TNFRSF10B: variants seen among roughly 807,000 people sequenced by gnomAD.
The protein encoded by TNFRSF10B is TNF receptor superfamily member 10b.
In TNFRSF10B, 35 loss-of-function variants were observed where a neutral mutation model predicts 41.4. That is an observed-to-expected ratio of 0.85 (90% CI 0.65 to 1.12). The LOEUF (loss-of-function observed/expected upper bound fraction) is 1.12. Ranked by LOEUF, TNFRSF10B falls within the 50% of genes most tolerant of loss-of-function variation. The probability of loss-of-function intolerance (pLI) is 0.00; values close to 1 mark genes in which losing one functional copy is unlikely to be tolerated. For missense variants in TNFRSF10B, 584 were observed against 552.7 expected, an observed-to-expected ratio of 1.06 and a Z score of -0.57; for synonymous variants, 230 against 215.5, an observed-to-expected ratio of 1.07 and a Z score of -0.59.
chr8:23,065,937 T>G (rs921957071), intron 1 of TNFRSF10B, among the ~76,000 whole-genome samples: 2 of 152,120 alleles, frequency 1.3e-5, no homozygotes, highest in African/African-American at 4.8e-5. Flanking sequence ...CATCTAAAGC[T>G]TACAAATATA....
intron 1 of TNFRSF10B, among the ~76,000 whole-genome samples, chr8:23,049,300 T>C (rs1370439211): frequency 6.6e-6 from 1 of 152,146 alleles, no homozygotes; most frequent in Non-Finnish European, 1.5e-5. Context: ...GCCTAGGCCT[T>C]TCCTGGGCCT....
intron 7 of TNFRSF10B, among the ~76,000 whole-genome samples, chr8:23,025,848 G>C (rs1204706299): frequency 6.6e-6 from 1 of 152,142 alleles, no homozygotes; most frequent in African/African-American, 2.4e-5. Context: ...GGCCAAGGAG[G>C]GTGGATTGCC....
intron 2 of TNFRSF10B, among the ~76,000 whole-genome samples, chr8:23,038,082 C>T (rs1296120932): frequency 6.6e-6 from 1 of 152,178 alleles, no homozygotes; most frequent in South Asian, 2.1e-4. Flanking sequence ...ACCCTGCTGG[C>T]TGGATTGACT....
chr8:23,042,503 C>A (rs994020759), intron 2 of TNFRSF10B, among the ~76,000 whole-genome samples: 1 of 152,112 alleles, frequency 6.6e-6, no homozygotes, highest in Non-Finnish European at 1.5e-5. Flanking sequence ...AATGACCTTA[C>A]GGGACACCAC....
At chr8:23,023,091 G>A in intron 8 of TNFRSF10B, 107 bp from the exon 9 acceptor site, 1 of 1,419,338 alleles carries the variant, frequency 7.0e-7, no homozygotes, top group Non-Finnish European at 9.6e-7. Flanking sequence ...AGAGCCCCGT[G>A]TGCGGGCAAA....
intron 1 of TNFRSF10B, among the ~76,000 whole-genome samples, chr8:23,062,634 C>T (rs1250263704): frequency 2.0e-5 from 3 of 152,164 alleles, no homozygotes; most frequent in East Asian, 3.8e-4. Flanking sequence ...GTAAACTTAG[C>T]TCGTTGATTT....
chr8:23,024,090 A>C (rs994433060), intron 8 of TNFRSF10B, 98 bp downstream of exon 8: 2 of 1,472,976 alleles, frequency 1.4e-6, no homozygotes, highest in Admixed American at 1.7e-5. Context: ...TCCAGCATGG[A>C]ATACTCTGGA....
intron 4 of TNFRSF10B, 77 bp downstream of exon 4, chr8:23,029,533 G>A (rs1811815458): frequency 2.1e-6 from 3 of 1,418,752 alleles, no homozygotes; most frequent in Non-Finnish European, 2.9e-6. Flanking sequence ...GCTGTCAGGG[G>A]AGAGACAGGG....
chr8:23,054,751 A>C (rs1192965678), intron 1 of TNFRSF10B, among the ~76,000 whole-genome samples: 2 of 152,194 alleles, frequency 1.3e-5, no homozygotes, highest in African/African-American at 4.8e-5. Context: ...GAAGAGAGGA[A>C]TTCACCCAAC....
intron 1 of TNFRSF10B, among the ~76,000 whole-genome samples, chr8:23,054,756 C>T (rs992874437): frequency 2.6e-5 from 4 of 152,198 alleles, no homozygotes; most frequent in Non-Finnish European, 5.9e-5. Context: ...GAGGAATTCA[C>T]CCAACTCATA....
Position 23,028,586 on chromosome 8 carries a change from C to T in TNFRSF10B, c.493G>A (p.Val165Ile), listed in dbSNP as rs773655476. The change falls in exon 5 of 9, where the codon GTC becomes ATC. Residue 165 changes from valine (V) to isoleucine (I), a missense_variant. Transcript: ENST00000276431. Reference sequence around the variant, plus strand: ...CAGGGTGTACAATCACCGACCTTGACCATCCCTCTGGGACACCTGGGTACA... The same window carrying T: ...CAGGGTGTACAATCACCGACCTTGATCATCCCTCTGGGACACCTGGGTACA... Reference protein sequence around the residue: ...KCRTGCPRGMVKVGDCTPWSD... With the variant: ...KCRTGCPRGMIKVGDCTPWSD... The T allele has an allele frequency of 6.2e-7, 1 of 1,614,094 alleles. No individual in the cohort carries two copies. The highest frequency in any genetic ancestry group is 1.1e-5 in the South Asian group (1 of 91,074).
At chr8:23,054,817 A>C (rs2128819201) in intron 1 of TNFRSF10B, among the ~76,000 whole-genome samples, 1 of 152,314 alleles carries the variant, frequency 6.6e-6, no homozygotes, top group Admixed American at 6.5e-5. Flanking sequence ...AAAAGGTCTT[A>C]TCTCAGATTC....
At chr8:23,040,464 TAC>T (rs200675083) in intron 2 of TNFRSF10B, among the ~76,000 whole-genome samples, 12,605 of 46,794 alleles carry the variant, frequency 0.27, 5,299 homozygotes, top group East Asian at 0.46. Flanking sequence ...TAAATATATA[TAC>T]ACAAAATATA....
chr8:23,050,804 T>C (rs1585222041), intron 1 of TNFRSF10B, among the ~76,000 whole-genome samples: 2 of 152,098 alleles, frequency 1.3e-5, no homozygotes, highest in East Asian at 3.9e-4. Flanking sequence ...CCGGGCGTGG[T>C]GTCTCATGCC....
intron 7 of TNFRSF10B, among the ~76,000 whole-genome samples, chr8:23,026,488 T>G (rs1352019730): frequency 2.0e-5 from 3 of 152,216 alleles, no homozygotes; most frequent in African/African-American, 7.2e-5. Context: ...TTAGATTATA[T>G]TGCTGTATGT....
At chr8:23,065,969 GA>G (rs1175011822) in intron 1 of TNFRSF10B, among the ~76,000 whole-genome samples, 1 of 152,096 alleles carries the variant, frequency 6.6e-6, no homozygotes, top group African/African-American at 2.4e-5. Flanking sequence ...TTAAAAAACA[GA>G]AAAACAAAAA....
intron 1 of TNFRSF10B, among the ~76,000 whole-genome samples, chr8:23,061,337 G>C (rs536561656): frequency 2.0e-5 from 3 of 152,244 alleles, no homozygotes; most frequent in East Asian, 1.9e-4. Flanking sequence ...CACTTGGTTT[G>C]AAATCTCCCA....
chr8:23,028,534 T>A lies in TNFRSF10B; in HGVS notation c.545A>T (p.Glu182Val). The change falls in exon 5 of 9, where the codon GAA becomes GTA. Residue 182 changes from glutamate to valine, a missense_variant. Physicochemically the swap from Glu to Val is moderately radical, Grantham distance 121. Transcript: ENST00000276431. ...TTCCCCACTGTGCTTTGTACCTGAT[T>A]CTTTGTGGACACATTCGATGTCACT... ...PWSDIECVHK[E>V]SGTKHSGEVP... 1.2e-6 allele frequency: 2 copies of A among 1,614,058 alleles called. No homozygotes were observed. The highest frequency in any genetic ancestry group is 8.5e-7 in the Non-Finnish European group (1 of 1,179,972).
At chr8:23,067,383 T>G (rs1332325252) in intron 1 of TNFRSF10B, among the ~76,000 whole-genome samples, 1 of 150,654 alleles carries the variant, frequency 6.6e-6, no homozygotes, top group African/African-American at 2.4e-5. Context: ...TACAGAAAAA[T>G]CTTCCAAGTA....
Sources: gnomAD v4.1 joint callset for allele counts (sites outside exome capture counted in the v4.1 genomes callset) on GRCh38, gnomAD v4.1.1 for gene constraint, MANE v1.5 for transcripts, NCBI Gene and HGNC (gene_info 2026-07-23, HGNC 2026-07-21) for gene names.